Variants in LTN1 observed in about 807,000 individuals in gnomAD.
The protein encoded by LTN1 is listerin E3 ubiquitin protein ligase 1, also known as E3 ubiquitin-protein ligase listerin.
A neutral mutation model predicts 201.2 loss-of-function variants in LTN1; 88 were observed. The ratio of observed to expected loss-of-function variants is 0.44; its 90% CI spans 0.37 to 0.52. LTN1 has a LOEUF of 0.52. Ranked by LOEUF, LTN1 falls within the 20% of genes least tolerant of loss-of-function variation. LTN1 has a pLI of 0.00. For synonymous variants in LTN1, 645 were observed against 713.5 expected (o/e 0.90, Z 1.53); for missense variants, 1,752 against 2,038.7 (o/e 0.86, Z 2.71).
intron 6 of LTN1, among the ~76,000 whole-genome samples, chr21:28,979,009 G>A (rs186696722): frequency 3.9e-4 from 60 of 152,340 alleles, no homozygotes; most frequent in African/African-American, 1.3e-3. Context: ...GCAGCTGAAT[G>A]TTGCCTACTG....
intron 1 of LTN1, among the ~76,000 whole-genome samples, chr21:28,991,276 G>A (rs549261229): frequency 1.5e-4 from 21 of 140,288 alleles, no homozygotes; most frequent in African/African-American, 4.9e-4. Context: ...TGGAGACAGA[G>A]CGACCCTGTC....
chr21:28,988,292 C>T (rs1266055261), intron 1 of LTN1, among the ~76,000 whole-genome samples: 2 of 151,774 alleles, frequency 1.3e-5, no homozygotes, highest in Non-Finnish European at 2.9e-5. Context: ...CATGGCAAAA[C>T]CCTGTCTCTA....
rs1039956815 is a variant in LTN1 at position 28,929,448 on chromosome 21, T to G, written c.*1000A>C. On this transcript the variant is annotated 3_prime_UTR_variant, in exon 30 of 30. Transcript: ENST00000361371. ...TACTGAATTTTACCTAGTGCTAAAA[T>G]CCTTAACTTTCATTTCTGAAGGCTG... 1 of 152,420 alleles carries G rather than the reference T, an allele frequency of 6.6e-6. No individual in the cohort carries two copies. Among genetic ancestry groups the G allele is most frequent in the African/African-American group, 2.4e-5 (1 of 41,446 alleles). 9.4% of individuals were successfully genotyped at this position (152,420 alleles called of 1,614,324 possible).
In LTN1 at chr21:28,967,063, A is replaced by G. The variant is rs1055389569; in HGVS notation, c.1428T>C (p.Asp476=). ...TCTCCAAGTTGTGAGCTGTTTTTTC[A>G]TCTTTTTCCGTGTCTGCTTTGGCTT... ...SWEAKADTEK[D]EKTAHNLENV... is the part of the protein sequence containing the mutation. Residue 476 remains aspartate, a synonymous_variant, in exon 10 of 30, where the codon GAT becomes GAC. Coordinates refer to ENST00000361371, the MANE Select transcript of LTN1 (RefSeq NM_015565.3). 6.2e-7 allele frequency: 1 copy of G among 1,614,082 alleles called. No homozygotes were observed. The highest frequency in any genetic ancestry group is 8.5e-7 in the Non-Finnish European group (1 of 1,180,012).
chr21:28,991,828 A>C (rs2084748778), intron 1 of LTN1, among the ~76,000 whole-genome samples: 1 of 152,226 alleles, frequency 6.6e-6, no homozygotes, highest in African/African-American at 2.4e-5. Context: ...CATCAGAAAC[A>C]GGAAAAAAAA....
At chr21:28,941,597 T>C (rs1213920360) in intron 24 of LTN1, among the ~76,000 whole-genome samples, 191 bp from the exon 25 acceptor site, 1 of 152,148 alleles carries the variant, frequency 6.6e-6, no homozygotes, top group Non-Finnish European at 1.5e-5. Flanking sequence ...AGACATATTA[T>C]AGCACTTGAA....
rs920060425 is a variant in LTN1, at chr21:28,929,718, G to A, written c.*730C>T. On this transcript the variant is annotated 3_prime_UTR_variant, in exon 30 of 30. Transcript: ENST00000361371. The stretch of plus-strand genomic sequence containing the variant: ...TCAAATTCTCACCCTCTAGAGACTC[G>A]CTCAGAGTGATAAATTCACTGACAA... 7 of 151,816 alleles carry A rather than the reference G, an allele frequency of 4.6e-5. No homozygotes were observed. Among genetic ancestry groups the A allele is most frequent in the African/African-American group, 1.5e-4 (6 of 41,288 alleles). The allele number at this position is 151,816 out of a possible 1,614,324, so 9.4% of individuals were successfully genotyped here.
chr21:28,958,280 C>T (rs548692856), intron 14 of LTN1, 106 bp downstream of exon 14: 2 of 1,054,134 alleles, frequency 1.9e-6, no homozygotes, highest in Admixed American at 2.7e-5. Context: ...TAGGGACGAG[C>T]CCTACAAGTC....
intron 6 of LTN1, among the ~76,000 whole-genome samples, chr21:28,980,892 A>C (rs2084653203): frequency 6.6e-6 from 1 of 152,234 alleles, no homozygotes; most frequent in Non-Finnish European, 1.5e-5. Flanking sequence ...CTATGAACAA[A>C]GGAGTATGGT....
intron 25 of LTN1, 54 bp downstream of exon 25, chr21:28,941,166 G>C: frequency 8.2e-7 from 1 of 1,219,886 alleles, no homozygotes; most frequent in Non-Finnish European, 1.2e-6. Flanking sequence ...ATTTAGAACA[G>C]TATCAGAAGC....
chr21:28,981,083 C>A, intron 6 of LTN1, 36 bp downstream of exon 6: 7 of 1,287,714 alleles, frequency 5.4e-6, no homozygotes, highest in Non-Finnish European at 7.3e-6. Context: ...GGTAAGGAAT[C>A]AGAGAAATGT....
intron 27 of LTN1, among the ~76,000 whole-genome samples, chr21:28,933,802 G>T (rs991837187): frequency 1.3e-5 from 2 of 151,136 alleles, no homozygotes; most frequent in Admixed American, 6.6e-5. Context: ...TCAGCCTCCC[G>T]AGTAGCTGGG....
chr21:28,948,273 T>TC (rs1405737735), intron 18 of LTN1, among the ~76,000 whole-genome samples: 20 of 147,174 alleles, frequency 1.4e-4, no homozygotes, highest in African/African-American at 4.9e-4. Flanking sequence ...TTTCTTTCTT[T>TC]TTTTTTTTTT....
At chr21:28,937,662 A>C (rs2084266935) in intron 25 of LTN1, among the ~76,000 whole-genome samples, 1 of 152,202 alleles carries the variant, frequency 6.6e-6, no homozygotes, top group African/African-American at 2.4e-5. Context: ...TGAACATCCC[A>C]AATCTGAAAA....
intron 17 of LTN1, among the ~76,000 whole-genome samples, chr21:28,952,857 G>C (rs1259991360): frequency 1.3e-5 from 2 of 152,086 alleles, no homozygotes; most frequent in Admixed American, 6.6e-5. Flanking sequence ...AGGGCTTTGT[G>C]GTCATAACAT....
rs541476236 is a variant in LTN1, at chr21:28,971,463, G to A, written c.811-19C>T. ...AGCGAATCTAAAAGAATGCAAAGCT[G>A]AATTAAATTAAAACCTAGTAAAACT... On this transcript the variant is annotated intron_variant, in intron 6 of 29. Transcript: ENST00000361371. The A allele has an allele frequency of 1.2e-6, 2 of 1,606,690 alleles. No homozygotes were observed. The highest frequency in any genetic ancestry group is 2.7e-5 in the African/African-American group (2 of 74,582).
At chr21:28,973,338 A>C (rs2776248) in intron 6 of LTN1, among the ~76,000 whole-genome samples, 130,601 of 130,626 alleles carry the variant, frequency 1, 65,288 homozygotes, top group Middle Eastern at 1. Flanking sequence ...CAAAGCAAGA[A>C]TCCGTCCCAA....
intron 25 of LTN1, among the ~76,000 whole-genome samples, chr21:28,939,426 C>T (rs1190862660): frequency 6.6e-6 from 1 of 152,130 alleles, no homozygotes; most frequent in Admixed American, 6.5e-5. Context: ...AAAACAGACA[C>T]AAAAACATAC....
chr21:28,941,350 T>A lies in LTN1; in HGVS notation c.4352A>T (p.Asn1451Ile). 6.2e-7 allele frequency: 1 copy of A among 1,613,564 alleles called. No individual in the cohort carries two copies. Among genetic ancestry groups the A allele is most frequent in the Non-Finnish European group, 8.5e-7 (1 of 1,179,792 alleles). ...TCCAACAGGAATACACCCCAAAACA[T>A]TTTCTAGTAAGTCCTCTTGAATGCT... ...LLSIQEDLLENVLGCIPVGQI... is the reference protein window; with the variant it reads ...LLSIQEDLLEIVLGCIPVGQI... Residue 1451 changes from asparagine (N) to isoleucine (I), a missense_variant, in exon 25 of 30, where the codon AAT (asparagine) becomes ATT (isoleucine). By Grantham distance (149) the Asn-to-Ile change is moderately radical. Coordinates refer to ENST00000361371, the MANE Select transcript of LTN1 (RefSeq NM_015565.3).
Sources: allele counts gnomAD v4.1 joint callset (sites outside exome capture counted in the v4.1 genomes callset), GRCh38; gene constraint gnomAD v4.1.1; transcripts MANE v1.5; gene names NCBI Gene and HGNC (gene_info 2026-07-23, HGNC 2026-07-21).